TRPM1: variants seen among roughly 807,000 people sequenced by gnomAD.
TRPM1 encodes transient receptor potential cation channel subfamily M member 1.
Under a neutral mutation model 149.4 loss-of-function variants are expected in TRPM1, and 113 were observed. The ratio of observed to expected loss-of-function variants is 0.76; its 90% CI spans 0.65 to 0.88. The LOEUF (loss-of-function observed/expected upper bound fraction) is 0.88. Ranked by LOEUF, TRPM1 falls within the 40% of genes least tolerant of loss-of-function variation. The probability of loss-of-function intolerance (pLI) is 0.00; values close to 1 mark genes in which losing one functional copy is unlikely to be tolerated. For synonymous variants in TRPM1, 741 were observed against 759.5 expected (o/e 0.98, Z 0.40); for missense variants, 1,976 against 2,038.7 (o/e 0.97, Z 0.59).
chr15:31,113,684 C>G (rs938003618), intron 1 of TRPM1, among the ~76,000 whole-genome samples: 8 of 152,156 alleles, frequency 5.3e-5, no homozygotes, highest in African/African-American at 1.9e-4. Context: ...CGTTTTAAGA[C>G]TACTGTGCCC....
At chr15:31,132,086 T>C (rs2141044010) in intron 1 of TRPM1, among the ~76,000 whole-genome samples, 1 of 152,282 alleles carries the variant, frequency 6.6e-6, no homozygotes, top group South Asian at 2.1e-4. Context: ...TGTTACGCCG[T>C]GTTCTGGGCC....
intron 1 of TRPM1, among the ~76,000 whole-genome samples, chr15:31,118,671 A>C (rs1842530333): frequency 6.6e-6 from 1 of 152,182 alleles, no homozygotes; most frequent in South Asian, 2.1e-4. Flanking sequence ...GAAGATTGCC[A>C]ACTTCTCACT....
intron 1 of TRPM1, among the ~76,000 whole-genome samples, chr15:31,086,357 A>G (rs994659835): frequency 6.6e-5 from 10 of 152,236 alleles, no homozygotes; most frequent in African/African-American, 4.8e-5. Context: ...ATCAGACTCC[A>G]CTGCTCCCCA....
intron 1 of TRPM1, among the ~76,000 whole-genome samples, chr15:31,098,880 G>T (rs987922113): frequency 2.6e-5 from 4 of 152,098 alleles, no homozygotes; most frequent in Admixed American, 6.5e-5. Flanking sequence ...TGAGGGAGGG[G>T]ACAAGGTGCA....
At chr15:31,113,515 A>C (rs918235260) in intron 1 of TRPM1, among the ~76,000 whole-genome samples, 13 of 152,160 alleles carry the variant, frequency 8.5e-5, no homozygotes, top group South Asian at 2.1e-4. Flanking sequence ...AGAATTTTCC[A>C]AACTGTCAAA....
chr15:31,110,204 G>T (rs1262792913), intron 1 of TRPM1, among the ~76,000 whole-genome samples: 2 of 152,034 alleles, frequency 1.3e-5, no homozygotes, highest in South Asian at 2.1e-4. Flanking sequence ...CTGAAATAAA[G>T]AAATAAAAGT....
intron 7 of TRPM1, among the ~76,000 whole-genome samples, chr15:31,065,655 T>C (rs2034354013): frequency 6.6e-6 from 1 of 152,182 alleles, no homozygotes; most frequent in Non-Finnish European, 1.5e-5. Flanking sequence ...CATCTTAGTC[T>C]ACATGAAAGG....
At chr15:31,045,726 TA>T (rs2033744382) in intron 16 of TRPM1, among the ~76,000 whole-genome samples, 1 of 152,192 alleles carries the variant, frequency 6.6e-6, no homozygotes, top group Admixed American at 6.5e-5. Context: ...GAAAACTATA[TA>T]TTTTTTAACA....
intron 1 of TRPM1, among the ~76,000 whole-genome samples, chr15:31,094,679 T>C (rs2035329898): frequency 1.3e-5 from 2 of 152,188 alleles, no homozygotes; most frequent in Admixed American, 1.3e-4. Flanking sequence ...ACTTCATTCC[T>C]ACTAGGATGA....
intron 1 of TRPM1, among the ~76,000 whole-genome samples, chr15:31,088,036 C>T (rs11853640): frequency 0.042 from 6,468 of 152,256 alleles, 457 homozygotes; most frequent in African/African-American, 0.15. Flanking sequence ...CAGCTATCTG[C>T]GCTTCACTCT....
intron 1 of TRPM1, among the ~76,000 whole-genome samples, chr15:31,101,454 A>G (rs1057157514): frequency 1.3e-5 from 2 of 152,206 alleles, no homozygotes; most frequent in African/African-American, 4.8e-5. Context: ...GATGAGTAAC[A>G]GGCCCCAGAA....
At chr15:31,015,846 T>C (rs1025229534) in intron 27 of TRPM1, among the ~76,000 whole-genome samples, 5 of 152,150 alleles carry the variant, frequency 3.3e-5, no homozygotes, top group African/African-American at 1.2e-4. Flanking sequence ...CATTCAAAGC[T>C]CTTGAGAATC....
chr15:31,065,180 A>G (rs753508100), intron 7 of TRPM1: 2 of 524,090 alleles, frequency 3.8e-6, no homozygotes, highest in Non-Finnish European at 7.9e-6. Flanking sequence ...CAGAAAAATT[A>G]GAGATGTGAG....
At chr15:31,007,042 A>G (rs1351904656) in intron 27 of TRPM1, among the ~76,000 whole-genome samples, 1 of 152,180 alleles carries the variant, frequency 6.6e-6, no homozygotes, top group African/African-American at 2.4e-5. Context: ...TATGATTGAC[A>G]TGATTATGCT....
intron 1 of TRPM1, among the ~76,000 whole-genome samples, chr15:31,151,711 C>T (rs759470475): frequency 6.6e-6 from 1 of 152,232 alleles, no homozygotes; most frequent in Non-Finnish European, 1.5e-5. Flanking sequence ...CCCTGTCCCA[C>T]ATCCTCCTCC....
rs1298293488 is a variant in TRPM1 at position 31,070,035 on chromosome 15, G to C, written c.275C>G (p.Ala92Gly). Reference protein sequence around the residue: ...EFQGGGYSNKAMYIRVSYDTK... With the variant: ...EFQGGGYSNKGMYIRVSYDTK... The stretch of plus-strand genomic sequence containing the variant: ...ATGTCTGAATGCCTTTCTCACCATG[G>C]CTTTATTGGAATATCCGCCACCCTG... The change falls in exon 4 of 28, where the codon GCC becomes GGC. Residue 92 changes from alanine to glycine, a missense_variant. Ala to Gly is a moderately conservative substitution (Grantham distance 60). Transcript: ENST00000256552. 6.2e-7 allele frequency: 1 copy of C among 1,614,158 alleles called. No homozygotes were observed. Among genetic ancestry groups the C allele is most frequent in the Admixed American group, 1.7e-5 (1 of 60,024 alleles).
intron 1 of TRPM1, among the ~76,000 whole-genome samples, chr15:31,107,519 T>C (rs2035625286): frequency 6.6e-6 from 1 of 152,160 alleles, no homozygotes; most frequent in East Asian, 1.9e-4. Flanking sequence ...AACTTTTGGT[T>C]TCATTAATTT....
At chr15:31,058,976 G>A (rs2034156587) in intron 11 of TRPM1, among the ~76,000 whole-genome samples, 1 of 152,142 alleles carries the variant, frequency 6.6e-6, no homozygotes, top group Non-Finnish European at 1.5e-5. Flanking sequence ...CCAGCTACTT[G>A]GGAGGCTGAG....
intron 1 of TRPM1, among the ~76,000 whole-genome samples, chr15:31,150,845 T>C (rs894929521): frequency 6.6e-6 from 1 of 152,038 alleles, no homozygotes; most frequent in African/African-American, 2.4e-5. Context: ...TCTACACAGG[T>C]GACTTGCCCA....
Sources: gnomAD v4.1 joint callset for allele counts (sites outside exome capture counted in the v4.1 genomes callset) on GRCh38, gnomAD v4.1.1 for gene constraint, MANE v1.5 for transcripts, NCBI Gene and HGNC (gene_info 2026-07-23, HGNC 2026-07-21) for gene names.